DDAH1: variants seen among roughly 807,000 people sequenced by gnomAD.
DDAH1 encodes dimethylarginine dimethylaminohydrolase 1.
In DDAH1, 19 loss-of-function variants were observed where a neutral mutation model predicts 28.8. The ratio of observed to expected loss-of-function variants is 0.66; its 90% CI spans 0.46 to 0.97. DDAH1 has a LOEUF of 0.97. Ranked by LOEUF, DDAH1 falls within the 50% of genes least tolerant of loss-of-function variation. The pLI is 0.00. For synonymous variants in DDAH1, 153 were observed against 154.4 expected (o/e 0.99, Z 0.07); for missense variants, 326 against 375.9 (o/e 0.87, Z 1.10).
chr1:85,549,361 G>A (rs997570934), intron 1 of DDAH1, among the ~76,000 whole-genome samples: 2 of 152,156 alleles, frequency 1.3e-5, no homozygotes, highest in Non-Finnish European at 2.9e-5. Context: ...AAGAGTTGCT[G>A]AACCCCTCTG....
At chr1:85,407,806 T>G (rs1352853812) in intron 1 of DDAH1, among the ~76,000 whole-genome samples, 2 of 152,194 alleles carry the variant, frequency 1.3e-5, no homozygotes, top group Non-Finnish European at 2.9e-5. Context: ...GTCTCTAAGT[T>G]TATGCATACA....
At chr1:85,538,052 T>TA (rs1658348330) in intron 1 of DDAH1, among the ~76,000 whole-genome samples, 1 of 152,140 alleles carries the variant, frequency 6.6e-6, no homozygotes, top group South Asian at 2.1e-4. Flanking sequence ...AAACCATACC[T>TA]GATCTGTTCC....
rs564216330 is a variant in DDAH1, at chr1:85,378,360, G to C, written c.304-19513C>G. ...TGCTCTGCTGTAGAAGGCAGAAAAA[G>C]TAATAGTAAAGGAGTACCCTCTCTA... is the stretch of plus-strand genomic sequence containing the variant. On this transcript the variant is annotated intron_variant, in intron 1 of 5. Transcript: ENST00000284031. Among the ~76,000 whole-genome samples the C allele has an allele frequency of 1.7e-3, 265 of 152,262 alleles. 5 individuals are homozygous for C. In the South Asian group the frequency reaches 0.023, roughly 13 times the overall value.
intron 1 of DDAH1, among the ~76,000 whole-genome samples, chr1:85,363,592 T>C (rs1649900284): frequency 6.6e-6 from 1 of 152,220 alleles, no homozygotes; most frequent in African/African-American, 2.4e-5. Flanking sequence ...TGCCTTTTAA[T>C]GTTGAGTGTG....
At chr1:85,426,611 A>C (rs1388153515) in intron 1 of DDAH1, among the ~76,000 whole-genome samples, 1 of 152,176 alleles carries the variant, frequency 6.6e-6, no homozygotes, top group Non-Finnish European at 1.5e-5. Context: ...GACATCTCAA[A>C]GGAGTTGAAA....
chr1:85,410,003 G>A (rs1007072680), intron 1 of DDAH1, among the ~76,000 whole-genome samples: 1 of 152,160 alleles, frequency 6.6e-6, no homozygotes, highest in Non-Finnish European at 1.5e-5. Context: ...TAGATTAGCT[G>A]AGCACAGTGG....
chr1:85,330,665 A>C (rs1157297621), intron 4 of DDAH1, among the ~76,000 whole-genome samples: 5 of 152,198 alleles, frequency 3.3e-5, no homozygotes, highest in African/African-American at 1.2e-4. Flanking sequence ...AAGATCTGAG[A>C]AGTCAAGTTG....
intron 1 of DDAH1, among the ~76,000 whole-genome samples, chr1:85,460,036 T>G (rs1357983163): frequency 6.6e-6 from 1 of 152,240 alleles, no homozygotes; most frequent in Non-Finnish European, 1.5e-5. Context: ...AACTTATTAC[T>G]GTGTATGACT....
At chr1:85,479,154 T>TTTTTC (rs1655902027) in intron 2 of DDAH1, among the ~76,000 whole-genome samples, 2 of 138,440 alleles carry the variant, frequency 1.4e-5, no homozygotes, top group African/African-American at 2.8e-5. Flanking sequence ...CTCCCTTCTG[T>TTTTTC]TTTTCTTTTT....
chr1:85,438,019 C>T lies in DDAH1; in HGVS notation c.303+26724G>A, dbSNP rs143710137. The stretch of plus-strand genomic sequence containing the variant: ...GCCATAAAAAAGAATGAAATCATGT[C>T]CTTCGCCGCAACATGGATGCAGCTG... On this transcript the variant is annotated intron_variant, in intron 1 of 5. Transcript: ENST00000284031. Among the ~76,000 whole-genome samples, 33 of 152,302 alleles carry T rather than the reference C, an allele frequency of 2.2e-4. No homozygotes were observed. The East Asian group carries it at 6.0e-3, about 28-fold the overall frequency.
chr1:85,465,198 C>G (rs1324264127), upstream of DDAH1: 1 of 1,129,578 alleles, frequency 8.9e-7, no homozygotes, highest in Non-Finnish European at 1.1e-6. Context: ...GAGCCCTGCC[C>G]GCGCGACTGA....
At chr1:85,461,269 A>G (rs1224344783) in intron 1 of DDAH1, among the ~76,000 whole-genome samples, 4 of 152,232 alleles carry the variant, frequency 2.6e-5, no homozygotes, top group Admixed American at 6.5e-5. Context: ...GACAATTAAC[A>G]TTATTTACTG....
At chr1:85,500,064 TTTC>T (rs1344498425) in intron 1 of DDAH1, among the ~76,000 whole-genome samples, 4 of 151,864 alleles carry the variant, frequency 2.6e-5, no homozygotes, top group Non-Finnish European at 5.9e-5. Flanking sequence ...TCTCTTTTCT[TTTC>T]TTTTCTTTCC....
In DDAH1 at chr1:85,464,227, C is replaced by G. The variant is rs1557660666; in HGVS notation, c.303+516G>C. Reference sequence around the variant, plus strand: ...GGGACTCACTCGCCACCACTGAAAACTAACTTGAGAAGCCCCAGGTCTGTG... The same window carrying G: ...GGGACTCACTCGCCACCACTGAAAAGTAACTTGAGAAGCCCCAGGTCTGTG... On this transcript the variant is annotated intron_variant, in intron 1 of 5. Coordinates refer to ENST00000284031, the MANE Select transcript of DDAH1 (RefSeq NM_012137.4). This position sits in a 1 kb window ranked among gnomAD's most constrained non-coding sequence, Gnocchi z 4.4. Among the ~76,000 whole-genome samples, 1 of 152,154 alleles carries G rather than the reference C, an allele frequency of 6.6e-6. No homozygotes were observed. Among genetic ancestry groups the G allele is most frequent in the Non-Finnish European group, 1.5e-5 (1 of 68,022 alleles).
At chr1:85,350,888 C>G (rs1052056239) in intron 3 of DDAH1, among the ~76,000 whole-genome samples, 2 of 152,042 alleles carry the variant, frequency 1.3e-5, no homozygotes, top group African/African-American at 4.8e-5. Context: ...CCTTCCTATG[C>G]AGTGTAGAGA....
At chr1:85,404,252 C>T in intron 1 of DDAH1, 1 of 761,030 alleles carries the variant, frequency 1.3e-6, no homozygotes, top group Non-Finnish European at 2.0e-6. Context: ...TTCTAGAATC[C>T]ACTTCTTAGA....
intron 1 of DDAH1, among the ~76,000 whole-genome samples, chr1:85,498,813 T>C (rs188611845): frequency 1.4e-4 from 22 of 152,148 alleles, no homozygotes; most frequent in Admixed American, 9.2e-4. Context: ...TCCCAGTTAC[T>C]TGGGAAGCTG....
chr1:85,444,547 A>T (rs1289425590), intron 1 of DDAH1, among the ~76,000 whole-genome samples: 1 of 152,224 alleles, frequency 6.6e-6, no homozygotes, highest in Non-Finnish European at 1.5e-5. Flanking sequence ...AACCACAGGC[A>T]TCCTGACCTC....
intron 1 of DDAH1, among the ~76,000 whole-genome samples, chr1:85,388,901 C>G (rs1267703165): frequency 6.6e-6 from 1 of 152,160 alleles, no homozygotes; most frequent in Non-Finnish European, 1.5e-5. Context: ...TAGACGACCC[C>G]TAAGAGGCTA....
Sources: allele counts gnomAD v4.1 joint callset (sites outside exome capture counted in the v4.1 genomes callset), GRCh38; gene constraint gnomAD v4.1.1; non-coding constraint Gnocchi (gnomAD v3.1); transcripts MANE v1.5; gene names NCBI Gene and HGNC (gene_info 2026-07-23, HGNC 2026-07-21).